NLGN4X: variants seen among roughly 807,000 people sequenced by gnomAD.
NLGN4X encodes the protein neuroligin 4 X-linked, also known as neuroligin-4, X-linked.
NLGN4X carries 3 observed loss-of-function variants against 40.3 expected under a neutral mutation model. The ratio of observed to expected loss-of-function variants is 0.07; its 90% CI spans 0.03 to 0.19. The LOEUF (loss-of-function observed/expected upper bound fraction) is 0.19, where lower values mean the gene tolerates loss of function less well. Among genes scored for constraint, NLGN4X ranks in the 10% least tolerant of loss-of-function variants. The pLI is 1.00. For synonymous variants in NLGN4X, 270 were observed against 306.8 expected (o/e 0.88, Z 1.25); for missense variants, 382 against 708.3 (o/e 0.54, Z 5.23).
chrX:6,012,076 C>CA (rs1270502217), intron 3 of NLGN4X, among the ~76,000 whole-genome samples: 1 of 112,304 alleles, frequency 8.9e-6, no homozygotes, highest in Non-Finnish European at 1.9e-5. Flanking sequence ...GGCACATGCC[C>CA]AAATTGCAAT....
chrX:5,913,023 GAAGT>G (rs1289702822), intron 3 of NLGN4X, among the ~76,000 whole-genome samples: 4 of 67,078 alleles, frequency 6.0e-5, no homozygotes, highest in Admixed American at 3.1e-4. Context: ...GGGAGGGAAG[GAAGT>G]AAGGAAGGTG....
At chrX:5,913,451 C>T (rs993948086) in intron 3 of NLGN4X, among the ~76,000 whole-genome samples, 4 of 111,417 alleles carry the variant, frequency 3.6e-5, no homozygotes, top group Non-Finnish European at 7.5e-5. Context: ...TGTCTAAAAC[C>T]AGAGATTTAC....
intron 2 of NLGN4X, among the ~76,000 whole-genome samples, chrX:6,057,333 A>G (rs1023701162): frequency 8.9e-6 from 1 of 111,789 alleles, no homozygotes; most frequent in Non-Finnish European, 1.9e-5. Context: ...GATTCTGCCA[A>G]TTCAAGTTCA....
chrX:6,059,624 C>A (rs1309602964), intron 2 of NLGN4X, among the ~76,000 whole-genome samples: 1 of 111,217 alleles, frequency 9.0e-6, no homozygotes, highest in Non-Finnish European at 1.9e-5. Context: ...CAAAGTACTT[C>A]CAAAAAATAC....
intron 1 of NLGN4X, among the ~76,000 whole-genome samples, chrX:6,161,483 T>C (rs2040398677): frequency 9.8e-6 from 1 of 102,314 alleles, no homozygotes; most frequent in South Asian, 4.0e-4. Context: ...ATATAAAATA[T>C]ATTATTCTAT....
At chrX:6,053,605 G>A (rs1481732262) in intron 2 of NLGN4X, among the ~76,000 whole-genome samples, 3 of 111,587 alleles carry the variant, frequency 2.7e-5, no homozygotes, top group African/African-American at 9.8e-5. Flanking sequence ...CATCCAGAGA[G>A]ATGGCAACCT....
At chrX:5,950,578 T>A (rs190559866) in intron 3 of NLGN4X, among the ~76,000 whole-genome samples, 1 of 112,144 alleles carries the variant, frequency 8.9e-6, no homozygotes, top group African/African-American at 3.2e-5. Flanking sequence ...AACAGGTTAA[T>A]ATGTGTCATA....
At chrX:6,042,392 T>C (rs182467807) in intron 2 of NLGN4X, among the ~76,000 whole-genome samples, 118 of 108,846 alleles carry the variant, frequency 1.1e-3, no homozygotes, top group African/African-American at 3.4e-3. Context: ...AATTTTACTA[T>C]TGAAATGTTT....
chrX:6,209,121 A>G (rs1400528930), intron 1 of NLGN4X, among the ~76,000 whole-genome samples: 1 of 112,029 alleles, frequency 8.9e-6, no homozygotes, highest in Non-Finnish European at 1.9e-5. Flanking sequence ...AAGTGAAACA[A>G]CTCGGAAACA....
intron 1 of NLGN4X, among the ~76,000 whole-genome samples, chrX:6,172,846 T>C (rs2040638063): frequency 8.9e-6 from 1 of 112,234 alleles, no homozygotes; most frequent in Non-Finnish European, 1.9e-5. Flanking sequence ...GGAATACTTT[T>C]CTCTGCCAGT....
intron 3 of NLGN4X, among the ~76,000 whole-genome samples, chrX:5,949,711 A>C (rs1171969718): frequency 8.9e-6 from 1 of 112,273 alleles, no homozygotes; most frequent in African/African-American, 3.2e-5. Context: ...GTGAGCCCTC[A>C]GTTACACTTG....
At chrX:5,930,567 C>A (rs2033511799) in intron 3 of NLGN4X, among the ~76,000 whole-genome samples, 1 of 112,180 alleles carries the variant, frequency 8.9e-6, no homozygotes, top group Non-Finnish European at 1.9e-5. Context: ...TAATGAATTC[C>A]AATAAATATA....
At chrX:5,998,074 T>G (rs1192568752) in intron 3 of NLGN4X, among the ~76,000 whole-genome samples, 1 of 111,461 alleles carries the variant, frequency 9.0e-6, no homozygotes, top group Non-Finnish European at 1.9e-5. Flanking sequence ...CCAGGTATGC[T>G]CTCTCTTGTT....
intron 3 of NLGN4X, among the ~76,000 whole-genome samples, chrX:5,913,069 A>G (rs1428511166): frequency 1.0e-5 from 1 of 98,614 alleles, no homozygotes; most frequent in Non-Finnish European, 2.0e-5. Flanking sequence ...GAAGGAAGGA[A>G]GAAAGGAAGG....
At chrX:5,964,334 A>C (rs1322812194) in intron 3 of NLGN4X, among the ~76,000 whole-genome samples, 1 of 112,111 alleles carries the variant, frequency 8.9e-6, no homozygotes, top group Non-Finnish European at 1.9e-5. Flanking sequence ...TAAATATACT[A>C]TGTGAATACA....
intron 1 of NLGN4X, among the ~76,000 whole-genome samples, chrX:6,211,593 C>G (rs1474138502): frequency 9.0e-6 from 1 of 110,675 alleles, no homozygotes; most frequent in Non-Finnish European, 1.9e-5. Flanking sequence ...TGTACAGATA[C>G]AAAAATAGAT....
chrX:6,102,476 C>G (rs1333950037), intron 2 of NLGN4X, among the ~76,000 whole-genome samples: 1 of 110,833 alleles, frequency 9.0e-6, no homozygotes, highest in African/African-American at 3.3e-5. Context: ...TGAGAAGGCG[C>G]TGTCTATGAA....
intron 2 of NLGN4X, among the ~76,000 whole-genome samples, chrX:6,128,194 ATGGGGCCC>A (rs1160296913): frequency 1.8e-5 from 2 of 111,409 alleles, no homozygotes; most frequent in East Asian, 5.7e-4. Context: ...GAGTTGAAAC[ATGGGGCCC>A]TACGAAGGCT....
intron 2 of NLGN4X, among the ~76,000 whole-genome samples, chrX:6,118,750 T>C (rs1280933193): frequency 9.0e-6 from 1 of 111,560 alleles, no homozygotes; most frequent in East Asian, 2.8e-4. Context: ...CAAAATTACA[T>C]TGTGGGTTCC....
Sources: allele counts gnomAD v4.1 joint callset (sites outside exome capture counted in the v4.1 genomes callset), GRCh38; gene constraint gnomAD v4.1.1; transcripts MANE v1.5; gene names NCBI Gene and HGNC (gene_info 2026-07-23, HGNC 2026-07-21).